Variants in LHX8 observed in about 807,000 individuals in gnomAD.
LHX8 encodes the protein LIM homeobox 8, also known as LIM/homeobox protein Lhx8.
LHX8 carries 12 observed loss-of-function variants against 40.3 expected under a neutral mutation model. The observed-to-expected ratio is 0.30, with a 90% CI of 0.19 to 0.48. LHX8 has a LOEUF of 0.48. Ranked by LOEUF, LHX8 falls within the 20% of genes least tolerant of loss-of-function variation. The pLI is 0.99. For missense variants in LHX8, 344 were observed against 433.7 expected, an observed-to-expected ratio of 0.79 and a Z score of 1.84; for synonymous variants, 179 against 162.0, an observed-to-expected ratio of 1.10 and a Z score of -0.80.
chr1:75,129,794 G>A (rs545561685), upstream of LHX8, among the ~76,000 whole-genome samples: 4 of 152,294 alleles, frequency 2.6e-5, no homozygotes, highest in African/African-American at 9.6e-5. Context: ...AAGCCTGAAG[G>A]GCCTCGGTTC....
chr1:75,143,735 G>A, intron 5 of LHX8, 110 bp from the exon 6 acceptor site: 1 of 818,592 alleles, frequency 1.2e-6, no homozygotes, highest in Non-Finnish European at 2.1e-6. Flanking sequence ...TTGCCGTCTA[G>A]AAAACATATA....
intron 6 of LHX8, among the ~76,000 whole-genome samples, chr1:75,147,133 T>A (rs1396176352): frequency 6.6e-6 from 1 of 152,194 alleles, no homozygotes; most frequent in East Asian, 1.9e-4. Flanking sequence ...AATAAACTTT[T>A]AAGCCAATTC....
At chr1:75,156,210 TTTGTTG>T (rs71917165) in intron 7 of LHX8, among the ~76,000 whole-genome samples, 67 of 149,248 alleles carry the variant, frequency 4.5e-4, no homozygotes, top group East Asian at 1.0e-3. Flanking sequence ...TTGTTTGGGC[TTTGTTG>T]TTGTTGTTGT....
chr1:75,188,337 C>T, the LHX8 span, among the ~76,000 whole-genome samples: 1 of 152,160 alleles, frequency 6.6e-6, no homozygotes, highest in South Asian at 2.1e-4. Flanking sequence ...ACGTGTTGCT[C>T]ATCCAACAAA....
At chr1:75,173,943 A>C in the LHX8 span, among the ~76,000 whole-genome samples, 1 of 152,058 alleles carries the variant, frequency 6.6e-6, no homozygotes, top group Non-Finnish European at 1.5e-5. Flanking sequence ...CCAAAATCCG[A>C]AACATTTTTG....
chr1:75,128,772 A>ATCT (rs1647889099), intron 1 of LHX8, among the ~76,000 whole-genome samples: 2 of 152,296 alleles, frequency 1.3e-5, no homozygotes, highest in South Asian at 4.1e-4. Context: ...AATGTTATAG[A>ATCT]TTAACTCTCA....
At chr1:75,177,581 C>T in the LHX8 span, among the ~76,000 whole-genome samples, 15 of 152,088 alleles carry the variant, frequency 9.9e-5, no homozygotes, top group East Asian at 7.7e-4. Flanking sequence ...TGGGCTGAGA[C>T]GATGGGGTTT....
In LHX8 at chr1:75,134,941, G is replaced by C. The variant is rs1028746839; in HGVS notation, c.-26G>C. ...GGAGATGAAGCCTCGAGCCTAAGGC[G>C]CTCTCAGGTCCATGTGAGTCGTGCT... On this transcript the variant is annotated 5_prime_UTR_variant, in exon 1 of 9. Coordinates refer to ENST00000356261, the MANE Select transcript of LHX8 (RefSeq NM_001256114.2). 4.1e-6 allele frequency: 4 copies of C among 985,178 alleles called. No individual in the cohort carries two copies. The African/African-American group carries it at 5.2e-5, about 13-fold the overall frequency. The allele number at this position is 985,178 out of a possible 1,614,324, so 61.0% of individuals were successfully genotyped here.
chr1:75,133,487 T>C (rs1160453123), upstream of LHX8, among the ~76,000 whole-genome samples: 6 of 152,202 alleles, frequency 3.9e-5, no homozygotes, highest in Non-Finnish European at 8.8e-5. Flanking sequence ...CAAAATCCTA[T>C]GATTCTGTTA....
At chr1:75,186,601 C>T in the LHX8 span, among the ~76,000 whole-genome samples, 3 of 152,078 alleles carry the variant, frequency 2.0e-5, no homozygotes, top group East Asian at 1.9e-4. Context: ...AAATGGTTTG[C>T]GAGGACATGG....
Position 75,156,980 on chromosome 1 carries a change from T to C in LHX8, c.868T>C (p.Ser290Pro). The change falls in exon 8 of 9, where the codon TCC (serine) becomes CCC (proline). Residue 290 changes from serine (S) to proline (P), a missense_variant. By Grantham distance (74) the Ser-to-Pro change is moderately conservative (BLOSUM62 -1). Around this residue, in one of 3 missense-constraint regions of LHX8, gnomAD observed 89 missense variants for 92.8 expected, o/e 0.96. Coordinates refer to ENST00000356261, the MANE Select transcript of LHX8 (RefSeq NM_001256114.2). ...CACCCCAGTCACAGCAGTCCCACCC[T>C]CCAGGCTGTCTCCACCCATGTTAGA... ...SSTPVTAVPP[S>P]RLSPPMLEEM... is the part of the protein sequence containing the mutation. The C allele has an allele frequency of 6.2e-7, 1 of 1,614,094 alleles. No individual in the cohort carries two copies. Among genetic ancestry groups the C allele is most frequent in the East Asian group, 2.2e-5 (1 of 44,866 alleles).
At chr1:75,178,654 T>G in the LHX8 span, among the ~76,000 whole-genome samples, 2 of 152,212 alleles carry the variant, frequency 1.3e-5, no homozygotes, top group Admixed American at 6.5e-5. Context: ...TTGAAGGGTT[T>G]TCTGTGTCTC....
At chr1:75,135,634 G>A (rs1648102365) in intron 1 of LHX8, among the ~76,000 whole-genome samples, 1 of 152,240 alleles carries the variant, frequency 6.6e-6, no homozygotes, top group African/African-American at 2.4e-5. Flanking sequence ...CCGAGCTAGA[G>A]TTTTTGGAAA....
At chr1:75,156,179 A>G (rs114699889) in intron 7 of LHX8, among the ~76,000 whole-genome samples, 2,281 of 151,494 alleles carry the variant, frequency 0.015, 51 homozygotes, top group African/African-American at 0.047. Context: ...TAAAAAATCT[A>G]ATGGAGTTTT....
chr1:75,155,133 C>T (rs1327365994), intron 7 of LHX8, among the ~76,000 whole-genome samples: 1 of 151,556 alleles, frequency 6.6e-6, no homozygotes, highest in Non-Finnish European at 1.5e-5. Flanking sequence ...TGTTCTCATG[C>T]TAAGTTTTTA....
At chr1:75,155,726 A>G (rs1198829987) in intron 7 of LHX8, among the ~76,000 whole-genome samples, 1 of 152,146 alleles carries the variant, frequency 6.6e-6, no homozygotes, top group African/African-American at 2.4e-5. Flanking sequence ...AGCACTTTAC[A>G]TTTTGTGAAC....
chr1:75,165,464 C>T (rs1437850397), downstream of LHX8, among the ~76,000 whole-genome samples: 2 of 152,162 alleles, frequency 1.3e-5, no homozygotes, highest in Non-Finnish European at 2.9e-5. Context: ...GGAACTGCTT[C>T]TCCTTTTCTA....
chr1:75,154,234 A>G (rs1263417814), intron 7 of LHX8, among the ~76,000 whole-genome samples: 1 of 152,096 alleles, frequency 6.6e-6, no homozygotes, highest in African/African-American at 2.4e-5. Context: ...ATCTTAAACT[A>G]TATTTTGCTC....
the LHX8 span, among the ~76,000 whole-genome samples, chr1:75,173,575 G>T: frequency 6.6e-6 from 1 of 151,550 alleles, no homozygotes; most frequent in African/African-American, 2.4e-5. Flanking sequence ...GTAGAGACGG[G>T]ATTTCACCGT....
Sources: allele counts gnomAD v4.1 joint callset (sites outside exome capture counted in the v4.1 genomes callset), GRCh38; gene constraint gnomAD v4.1.1; regional missense constraint gnomAD v4.1.1; transcripts MANE v1.5; gene names NCBI Gene and HGNC (gene_info 2026-07-23, HGNC 2026-07-21).